The following SLC7A9 variants were observed in gnomAD, a reference collection of about 807,000 sequenced individuals.
The protein encoded by SLC7A9 is solute carrier family 7 member 9, also known as B(0,+)-type amino acid transporter 1.
A neutral mutation model predicts 54.1 loss-of-function variants in SLC7A9; 38 were observed. That is an observed-to-expected ratio of 0.70 (90% CI 0.54 to 0.92). The LOEUF is 0.92. Ranked by LOEUF, SLC7A9 falls within the 40% of genes least tolerant of loss-of-function variation. SLC7A9 has a pLI of 0.00. For missense variants in SLC7A9, 537 were observed against 636.1 expected (o/e 0.84, Z 1.68); for synonymous variants, 264 against 258.9 (o/e 1.02, Z -0.19).
At chr19:32,864,809 C>A (rs1968918577) in intron 2 of SLC7A9, 33 bp from the exon 3 acceptor site, 1 of 1,613,414 alleles carries the variant, frequency 6.2e-7, no homozygotes, top group African/African-American at 1.3e-5. Context: ...GGCGTTAGTG[C>A]CACGCCCGGA....
intron 6 of SLC7A9, among the ~76,000 whole-genome samples, chr19:32,861,517 A>T (rs958547220): frequency 3.3e-5 from 5 of 152,196 alleles, no homozygotes; most frequent in East Asian, 1.9e-4. Flanking sequence ...TCTTTGTTTA[A>T]TCAAGAGCTT....
intron 4 of SLC7A9, among the ~76,000 whole-genome samples, chr19:32,863,467 CCCCCTCCTCAGCCTCCCACGTAG>C (rs1412434088): frequency 4.6e-5 from 7 of 152,158 alleles, no homozygotes; most frequent in South Asian, 2.1e-4. Flanking sequence ...TCAAGTGATC[CCCCCTCCTCAGCCTCCCACGTAG>C]CTGGGACGCC....
chr19:32,860,244 T>C, intron 7 of SLC7A9: 1 of 1,411,270 alleles, frequency 7.1e-7, no homozygotes, highest in Non-Finnish European at 9.2e-7. Flanking sequence ...ACTCTAAGCG[T>C]GCATAGTGAG....
At chr19:32,854,437 T>C (rs556511018) in intron 9 of SLC7A9, among the ~76,000 whole-genome samples, 2 of 152,258 alleles carry the variant, frequency 1.3e-5, no homozygotes, top group Admixed American at 1.3e-4. Context: ...GTAATATTCA[T>C]ATGCAAGTGG....
intron 9 of SLC7A9, among the ~76,000 whole-genome samples, chr19:32,852,617 T>A (rs1477062260): frequency 6.6e-6 from 1 of 152,154 alleles, no homozygotes; most frequent in Non-Finnish European, 1.5e-5. Flanking sequence ...CAACTACATA[T>A]CTTAACTTTG....
chr19:32,852,665 G>A lies in SLC7A9; in HGVS notation c.977+5775C>T, dbSNP rs570152403. 4.6e-5 allele frequency among the ~76,000 whole-genome samples: 7 copies of A among 152,256 alleles called. No individual in the cohort carries two copies. In the East Asian group the frequency reaches 9.7e-4, roughly 21 times the overall value. ...CTTGATATTAATTCCCAAAAGAAGT[G>A]AAACCAGGAGGATGGGAGTTGATTA... On this transcript the variant is annotated intron_variant, in intron 9 of 12. Transcript: ENST00000023064.
intron 9 of SLC7A9, among the ~76,000 whole-genome samples, chr19:32,855,111 C>T (rs1043562943): frequency 2.6e-5 from 4 of 152,092 alleles, no homozygotes; most frequent in African/African-American, 4.8e-5. Flanking sequence ...AATACTATTC[C>T]GACTCTAAAG....
chr19:32,860,453 A>G, intron 7 of SLC7A9, 153 bp downstream of exon 7: 1 of 1,476,266 alleles, frequency 6.8e-7, no homozygotes, highest in Non-Finnish European at 9.0e-7. Context: ...CCTAGGCAAC[A>G]GAGCAAGACT....
intron 2 of SLC7A9, among the ~76,000 whole-genome samples, chr19:32,865,958 CAAAA>C (rs34667172): frequency 8.4e-6 from 1 of 119,374 alleles, no homozygotes; most frequent in Non-Finnish European, 1.8e-5. Context: ...GAGACTGTCT[CAAAA>C]AAAAAAAAAA....
At chr19:32,868,379 G>A in intron 2 of SLC7A9, 69 bp downstream of exon 2, 2 of 1,171,732 alleles carry the variant, frequency 1.7e-6, no homozygotes, top group Non-Finnish European at 2.6e-6. Context: ...GGATTTCACT[G>A]CCTGCGCCCC....
At chr19:32,853,141 C>CT (rs1462051582) in intron 9 of SLC7A9, among the ~76,000 whole-genome samples, 1 of 152,154 alleles carries the variant, frequency 6.6e-6, no homozygotes, top group African/African-American at 2.4e-5. Flanking sequence ...GAACTCCTGA[C>CT]TTTAAGTGAT....
chr19:32,855,428 G>A (rs1036675341), intron 9 of SLC7A9, among the ~76,000 whole-genome samples: 14 of 152,268 alleles, frequency 9.2e-5, no homozygotes, highest in East Asian at 3.9e-4. Flanking sequence ...AGCCGGGCGC[G>A]GTGGCTCACG....
At chr19:32,858,274 G>A (rs1278151259) in intron 9 of SLC7A9, among the ~76,000 whole-genome samples, 166 bp downstream of exon 9, 1 of 152,138 alleles carries the variant, frequency 6.6e-6, no homozygotes, top group Non-Finnish European at 1.5e-5. Context: ...CCAGTTTGCG[G>A]TGTGGGTTCA....
intron 3 of SLC7A9, 112 bp from the exon 4 acceptor site, chr19:32,864,450 CG>C (rs1281002259): frequency 3.1e-5 from 48 of 1,542,314 alleles, no homozygotes; most frequent in Non-Finnish European, 3.8e-5. Context: ...CACCGTGGTC[CG>C]CCCTCGCTGG....
chr19:32,864,387 C>T, intron 3 of SLC7A9, 49 bp from the exon 4 acceptor site: 1 of 1,610,870 alleles, frequency 6.2e-7, no homozygotes, highest in Non-Finnish European at 8.5e-7. Context: ...AGGCACTGCC[C>T]CGGCCCCAGG....
At chr19:32,844,625 T>C (rs1968226990) in intron 9 of SLC7A9, among the ~76,000 whole-genome samples, 1 of 150,886 alleles carries the variant, frequency 6.6e-6, no homozygotes, top group Non-Finnish European at 1.5e-5. Flanking sequence ...AAGTCAGGAG[T>C]TCGAGACCAG....
At chr19:32,868,023 G>A (rs943556754) in intron 2 of SLC7A9, among the ~76,000 whole-genome samples, 6 of 150,386 alleles carry the variant, frequency 4.0e-5, no homozygotes, top group Non-Finnish European at 7.4e-5. Flanking sequence ...CTGAGGCCAA[G>A]AGTCTGAGAC....
intron 11 of SLC7A9, among the ~76,000 whole-genome samples, chr19:32,836,451 A>T (rs748639089): frequency 4.4e-4 from 67 of 152,270 alleles, no homozygotes; most frequent in Admixed American, 1.8e-3. Flanking sequence ...TTCATTAAAG[A>T]GAGAGAATGT....
intron 9 of SLC7A9, among the ~76,000 whole-genome samples, chr19:32,855,452 C>T (rs1260471704): frequency 3.3e-5 from 5 of 152,224 alleles, no homozygotes; most frequent in Non-Finnish European, 7.3e-5. Flanking sequence ...GTAATCCCAG[C>T]ACTTTGGGAG....
Sources: allele counts gnomAD v4.1 joint callset (sites outside exome capture counted in the v4.1 genomes callset), GRCh38; gene constraint gnomAD v4.1.1; transcripts MANE v1.5; gene names NCBI Gene and HGNC (gene_info 2026-07-23, HGNC 2026-07-21).